ARHGEF26: variants seen among roughly 807,000 people sequenced by gnomAD.
ARHGEF26 encodes the protein Rho guanine nucleotide exchange factor 26, also known as Rho guanine nucleotide exchange factor (GEF) 26.
ARHGEF26 carries 59 observed loss-of-function variants against 89.4 expected under a neutral mutation model. The observed-to-expected ratio is 0.66, with a 90% confidence interval of 0.54 to 0.82. ARHGEF26 has a LOEUF of 0.82. Ranked by LOEUF, ARHGEF26 falls within the 40% of genes least tolerant of loss-of-function variation. The probability of loss-of-function intolerance (pLI) is 0.00; values close to 1 mark genes in which losing one functional copy is unlikely to be tolerated. For synonymous variants in ARHGEF26, 500 were observed against 428.4 expected, an observed-to-expected ratio of 1.17 and a Z score of -2.06; for missense variants, 1,234 against 1,085.6, an observed-to-expected ratio of 1.14 and a Z score of -1.92.
intron 6 of ARHGEF26, chr3:154,187,049 A>C (rs1277371630): frequency 1.9e-5 from 3 of 154,736 alleles, no homozygotes; most frequent in Admixed American, 6.6e-5. Context: ...GTGCCACCAC[A>C]CCTGTCTAAT....
chr3:154,240,566 G>C lies in ARHGEF26; in HGVS notation c.2287G>C (p.Gly763Arg). 6.2e-7 allele frequency: 1 copy of C among 1,610,120 alleles called. No individual in the cohort carries two copies. Among genetic ancestry groups the C allele is most frequent in the Non-Finnish European group, 8.5e-7 (1 of 1,178,066 alleles). The part of the protein sequence containing the change: ...HANEKVEMLL[G>R]AETQSERARW... ...GAATGAGAAAGTGGAGATGCTACTA[G>C]GAGCTGAGACGCAGTAAGTATATGT... The change falls in exon 12 of 15, where the codon GGA becomes CGA. Residue 763 changes from glycine to arginine, a missense_variant. Transcript: ENST00000465093.
chr3:154,249,478 T>G (rs1406286134), intron 12 of ARHGEF26, among the ~76,000 whole-genome samples: 1 of 152,218 alleles, frequency 6.6e-6, no homozygotes, highest in Non-Finnish European at 1.5e-5. Context: ...TATAGACATT[T>G]AAGTTAAAAG....
intron 4 of ARHGEF26, among the ~76,000 whole-genome samples, chr3:154,143,126 A>G (rs564529440): frequency 2.0e-5 from 3 of 152,288 alleles, no homozygotes; most frequent in African/African-American, 7.2e-5. Context: ...TGTTATTCGA[A>G]GTGTTGCTTT....
chr3:154,212,718 C>T (rs1201719763), intron 9 of ARHGEF26, among the ~76,000 whole-genome samples: 2 of 152,080 alleles, frequency 1.3e-5, no homozygotes, highest in South Asian at 2.1e-4. Context: ...GCGCAGTTTA[C>T]AATAAGGTTC....
rs548392170 is a variant in ARHGEF26 at position 154,141,287 on chromosome 3, T to A, written c.1270-8102T>A. On this transcript the variant is annotated intron_variant, in intron 4 of 14. Transcript: ENST00000465093. ...GCCTTCCATCCTATTTTTGAAAGGA[T>A]GTAGGCCAGAATGCCAAAGTGAGTT... Among the ~76,000 whole-genome samples, 4 of 152,292 alleles carry A rather than the reference T, an allele frequency of 2.6e-5. No individual in the cohort carries two copies. The East Asian group carries it at 7.7e-4, about 29-fold the overall frequency.
At chr3:154,241,862 A>G (rs1205673519) in intron 12 of ARHGEF26, among the ~76,000 whole-genome samples, 1 of 152,242 alleles carries the variant, frequency 6.6e-6, no homozygotes, top group East Asian at 1.9e-4. Context: ...CTTATCAGAT[A>G]TTGAGGATGG....
At chr3:154,230,285 C>T (rs1056763643) in intron 11 of ARHGEF26, among the ~76,000 whole-genome samples, 1 of 152,184 alleles carries the variant, frequency 6.6e-6, no homozygotes, top group Non-Finnish European at 1.5e-5. Context: ...GGATTATTTC[C>T]ATTTCACAGA....
intron 6 of ARHGEF26, among the ~76,000 whole-genome samples, chr3:154,176,858 A>T (rs1477969873): frequency 2.0e-5 from 3 of 152,186 alleles, no homozygotes; most frequent in East Asian, 3.9e-4. Flanking sequence ...TGCCCAGGCT[A>T]GTCTCGAACT....
rs1237965849 is a variant in ARHGEF26, at chr3:154,256,184, T to C, written c.*711T>C. On this transcript the variant is annotated 3_prime_UTR_variant, in exon 15 of 15. Transcript: ENST00000465093. ...TTAACCTAAGCTACCTTTAACAACG[T>C]AGAATTTAGATGGGTTCATATATGT... 1.0e-6 allele frequency: 1 copy of C among 985,602 alleles called. No homozygotes were observed. The highest frequency in any genetic ancestry group is 1.7e-5 in the African/African-American group (1 of 57,200). The allele number at this position is 985,602 out of a possible 1,614,324, so 61.1% of individuals were successfully genotyped here.
At position 154,244,241 on chromosome 3, in the gene ARHGEF26, A is replaced by G. The variant is rs72994659; in HGVS notation, c.2300+3662A>G. Among the ~76,000 whole-genome samples, 922 of 152,322 alleles carry G rather than the reference A, an allele frequency of 6.1e-3. 5 individuals carry two copies. Among genetic ancestry groups the G allele is most frequent in the African/African-American group, 0.021 (882 of 41,566 alleles). Reference sequence around the variant, plus strand: ...AACTGTTGTCACTAAAGGCCACCTGAGGATATACAACATGTAAAATCAGCA... The same window carrying G: ...AACTGTTGTCACTAAAGGCCACCTGGGGATATACAACATGTAAAATCAGCA... On this transcript the variant is annotated intron_variant, in intron 12 of 14. Transcript: ENST00000465093.
At chr3:154,243,724 T>G (rs988818384) in intron 12 of ARHGEF26, among the ~76,000 whole-genome samples, 8 of 151,972 alleles carry the variant, frequency 5.3e-5, no homozygotes, top group African/African-American at 1.9e-4. Flanking sequence ...GGAGTGACTC[T>G]CTCATTCTCT....
At chr3:154,230,336 A>T (rs1393758930) in intron 11 of ARHGEF26, among the ~76,000 whole-genome samples, 1 of 152,230 alleles carries the variant, frequency 6.6e-6, no homozygotes, top group Non-Finnish European at 1.5e-5. Flanking sequence ...ATCTTTTTCA[A>T]GGTCTTTCAG....
intron 9 of ARHGEF26, among the ~76,000 whole-genome samples, chr3:154,208,847 C>T: frequency 6.8e-6 from 1 of 147,766 alleles, no homozygotes; most frequent in South Asian, 2.1e-4. Flanking sequence ...CTCACTGCAA[C>T]CTCCGCCTAC....
Position 154,123,375 on chromosome 3 carries a change from A to G in ARHGEF26, c.1083+300A>G, listed in dbSNP as rs539556229. Among the ~76,000 whole-genome samples the G allele has an allele frequency of 9.9e-5, 15 of 152,208 alleles. No individual in the cohort carries two copies. The South Asian group carries it at 2.9e-3, about 30-fold the overall frequency. On this transcript the variant is annotated intron_variant, in intron 2 of 14. Transcript: ENST00000465093. ...ATTATTGGCTGAGTGAGTCTTTACC[A>G]CTTTTAAAAGAGATAGCTGAAAGGG...
chr3:154,150,754 AC>A (rs1218527517), intron 5 of ARHGEF26, among the ~76,000 whole-genome samples: 1 of 152,096 alleles, frequency 6.6e-6, no homozygotes, highest in Non-Finnish European at 1.5e-5. Context: ...TCCCATTTGA[AC>A]ATTTTTGTTC....
intron 10 of ARHGEF26, among the ~76,000 whole-genome samples, chr3:154,218,536 A>C (rs766294007): frequency 2.0e-4 from 31 of 152,234 alleles, no homozygotes; most frequent in Non-Finnish European, 3.5e-4. Context: ...GGTCATGGCC[A>C]TTCTTTTGTT....
intron 5 of ARHGEF26, among the ~76,000 whole-genome samples, chr3:154,151,965 A>G (rs1720048914): frequency 6.6e-6 from 1 of 152,092 alleles, no homozygotes; most frequent in Non-Finnish European, 1.5e-5. Context: ...TCTGAATTTG[A>G]TTTTGTTAAG....
At chr3:154,121,152 C>T (rs1380559157), upstream of ARHGEF26, 1 of 151,060 alleles carries the variant, frequency 6.6e-6, no homozygotes, top group African/African-American at 2.4e-5. Flanking sequence ...GGCAACGACC[C>T]CGCGCGCCTA....
intron 4 of ARHGEF26, among the ~76,000 whole-genome samples, chr3:154,143,655 C>A (rs1402008141): frequency 3.3e-5 from 5 of 152,154 alleles, no homozygotes; most frequent in Non-Finnish European, 1.5e-5. Flanking sequence ...AGACTGAAAG[C>A]TGCTTAACTT....
Sources: allele counts gnomAD v4.1 joint callset (sites outside exome capture counted in the v4.1 genomes callset), GRCh38; gene constraint gnomAD v4.1.1; transcripts MANE v1.5; gene names NCBI Gene and HGNC (gene_info 2026-07-23, HGNC 2026-07-21).